The following PIP5K1C variants were observed in gnomAD, a reference collection of about 807,000 sequenced individuals.
The protein encoded by PIP5K1C is phosphatidylinositol 4-phosphate 5-kinase type-1 gamma.
PIP5K1C carries 45 observed loss-of-function variants against 80.1 expected under a neutral mutation model. The observed-to-expected ratio is 0.56, with a 90% CI of 0.44 to 0.72. PIP5K1C has a LOEUF of 0.72. Among genes scored for constraint, PIP5K1C ranks in the 30% least tolerant of loss-of-function variants. The pLI is 0.00. For missense variants in PIP5K1C, 753 were observed against 954.6 expected (o/e 0.79, Z 2.78); for synonymous variants, 498 against 420.1 (o/e 1.19, Z -2.27).
At chr19:3,662,687 T>G (rs2034873980) in intron 3 of PIP5K1C, among the ~76,000 whole-genome samples, 1 of 152,086 alleles carries the variant, frequency 6.6e-6, no homozygotes, top group Admixed American at 6.5e-5. Flanking sequence ...TGCCTCAGCT[T>G]CCTGAGTAGC....
chr19:3,670,190 G>A (rs2035160594), intron 1 of PIP5K1C, among the ~76,000 whole-genome samples: 1 of 152,136 alleles, frequency 6.6e-6, no homozygotes, highest in South Asian at 2.1e-4. Context: ...CTGCAGTCGT[G>A]GTCAGTCCCC....
Position 3,633,454 on chromosome 19 carries a change from C to A in PIP5K1C, c.1987G>T (p.Asp663Tyr). The change falls in exon 17 of 18, where the codon GAC becomes TAC. Residue 663 changes from aspartate to tyrosine, a missense_variant. Transcript: ENST00000335312. Reference sequence around the variant, plus strand: ...GCACTTACTGTGTCGCTCTCGCCGTCGGAGGCCGGGGGGGCCTGGGCGCTA... The same window carrying A: ...GCACTTACTGTGTCGCTCTCGCCGTAGGAGGCCGGGGGGGCCTGGGCGCTA... ...HYSAQAPPAS[D>Y]GESDT The A allele has an allele frequency of 6.7e-7, 1 of 1,499,140 alleles. No homozygotes were observed. The highest frequency in any genetic ancestry group is 8.9e-7 in the Non-Finnish European group (1 of 1,121,090). The allele number at this position is 1,499,140 out of a possible 1,614,324, so 92.9% of individuals were successfully genotyped here. A position where few individuals can be genotyped will look rare whatever the true frequency, so the allele number is the denominator to read the frequency against.
chr19:3,657,817 C>T (rs1034919490), intron 5 of PIP5K1C, among the ~76,000 whole-genome samples: 2 of 151,866 alleles, frequency 1.3e-5, no homozygotes, highest in African/African-American at 4.8e-5. Context: ...CATCTGTGGT[C>T]CCAGCTACTT....
chr19:3,667,208 T>G, intron 2 of PIP5K1C, 114 bp downstream of exon 2: 1 of 873,900 alleles, frequency 1.1e-6, no homozygotes, highest in Non-Finnish European at 1.9e-6. Context: ...TGGACGGCAT[T>G]TGGGGCCCAG....
At chr19:3,642,850 G>A (rs2145401733) in intron 14 of PIP5K1C, 57 bp downstream of exon 14, 2 of 1,436,064 alleles carry the variant, frequency 1.4e-6, no homozygotes, top group Admixed American at 1.7e-5. Flanking sequence ...AAACGGAGCT[G>A]GGAGCTGTGC....
chr19:3,694,496 G>A (rs10420356), intron 1 of PIP5K1C, among the ~76,000 whole-genome samples: 4 of 152,022 alleles, frequency 2.6e-5, no homozygotes, highest in Non-Finnish European at 5.9e-5. Context: ...CCCCTCGTCT[G>A]CCTCCAGGCA....
chr19:3,641,668 G>C (rs1213725785), intron 15 of PIP5K1C, 37 bp downstream of exon 15: 4 of 1,530,648 alleles, frequency 2.6e-6, no homozygotes, highest in Middle Eastern at 4.2e-4. Flanking sequence ...GCCCGCAGCA[G>C]GTGGGCGCCC....
chr19:3,642,621 C>A (rs1462889862), intron 14 of PIP5K1C, among the ~76,000 whole-genome samples: 1 of 152,012 alleles, frequency 6.6e-6, no homozygotes, highest in Non-Finnish European at 1.5e-5. Flanking sequence ...GGAGGGGGCG[C>A]ATTTCACGAT....
chr19:3,643,814 C>T (rs970437345), intron 12 of PIP5K1C, among the ~76,000 whole-genome samples: 3 of 152,054 alleles, frequency 2.0e-5, no homozygotes, highest in South Asian at 2.1e-4. Flanking sequence ...TGCATGCCTT[C>T]GATGGCATCC....
Position 3,643,271 on chromosome 19 carries a change from A to AG in PIP5K1C, c.1620dup (p.Ser541LeufsTer69). The AG allele has an allele frequency of 6.2e-7, 1 of 1,613,738 alleles. No homozygotes were observed. Among genetic ancestry groups the AG allele is most frequent in the Admixed American group, 1.7e-5 (1 of 60,014 alleles). Reference sequence around the variant, plus strand: ...TACCGCGGCTGCTCCGACGTCTCCGAGGGGGACCGCTCAGGAATGGAGAGG... The same window carrying AG: ...TACCGCGGCTGCTCCGACGTCTCCGAGGGGGGACCGCTCAGGAATGGAGAGG... On this transcript the variant is annotated frameshift_variant, in exon 13 of 18. Transcript: ENST00000335312. LOFTEE classifies it high-confidence loss of function.
At chr19:3,644,322 G>A (rs769507884) in intron 11 of PIP5K1C, 71 bp from the exon 12 acceptor site, 19 of 1,484,572 alleles carry the variant, frequency 1.3e-5, no homozygotes, top group South Asian at 4.6e-5. Context: ...CAGGGCCGCC[G>A]CCCACATATA....
intron 1 of PIP5K1C, among the ~76,000 whole-genome samples, chr19:3,686,918 T>G (rs756212982): frequency 6.6e-5 from 10 of 151,458 alleles, no homozygotes; most frequent in Non-Finnish European, 1.2e-4. Flanking sequence ...CAAGGCCAGG[T>G]GCAGTGGCTC....
Position 3,648,799 on chromosome 19 carries a change from T to C in PIP5K1C, c.1128-91A>G. 4 of 1,089,324 alleles carry C rather than the reference T, an allele frequency of 3.7e-6. No individual in the cohort carries two copies. The highest frequency in any genetic ancestry group is 2.5e-5 in the East Asian group (1 of 40,746). The allele number at this position is 1,089,324 out of a possible 1,614,324, so 67.5% of individuals were successfully genotyped here. A position where few individuals can be genotyped will look rare whatever the true frequency, so the allele number is the denominator to read the frequency against. ...GGGGACTCCAGGGCTAGGGAGTCCA[T>C]CTGCTCCTGTGGGTGGCAACTTGGC... On this transcript the variant is annotated intron_variant, in intron 8 of 17. Transcript: ENST00000335312. The surrounding 1 kb of genome is among the most constrained non-coding windows in gnomAD (Gnocchi z 4.3).
intron 6 of PIP5K1C, 108 bp from the exon 7 acceptor site, chr19:3,653,697 C>T: frequency 9.7e-7 from 1 of 1,026,098 alleles, no homozygotes; most frequent in Non-Finnish European, 1.4e-6. Context: ...CCTGGCCAGC[C>T]CCCCTCTCTC....
At chr19:3,697,090 TGGACCGAGGA>T (rs1327048544) in intron 1 of PIP5K1C, among the ~76,000 whole-genome samples, 1 of 134,264 alleles carries the variant, frequency 7.4e-6, no homozygotes, top group East Asian at 2.2e-4. Flanking sequence ...AGGACCGAGC[TGGACCGAGGA>T]GGACCAAGGA....
Position 3,637,866 on chromosome 19 carries a change from C to G in PIP5K1C, c.1920+1018G>C. 2.6e-6 allele frequency: 4 copies of G among 1,535,398 alleles called. No homozygotes were observed. The highest frequency in any genetic ancestry group is 3.5e-6 in the Non-Finnish European group (4 of 1,146,692). ...AGCACGACATGGCCCCCAGGCCCCC[C>G]GTACCATCCGGAGACCAGGACGCGC... On this transcript the variant is annotated intron_variant, in intron 16 of 17. Transcript: ENST00000335312. This position sits in a 1 kb window ranked among gnomAD's most constrained non-coding sequence, Gnocchi z 7.0.
At chr19:3,658,160 C>A (rs549686998) in intron 5 of PIP5K1C, among the ~76,000 whole-genome samples, 2 of 152,222 alleles carry the variant, frequency 1.3e-5, no homozygotes, top group African/African-American at 4.8e-5. Context: ...GCCCGAGGTG[C>A]TCTCGGGCCA....
rs377649668 is a variant in PIP5K1C at position 3,639,110 on chromosome 19, G to A, written c.1788-94C>T. 58 of 1,423,058 alleles carry A rather than the reference G, an allele frequency of 4.1e-5. No individual in the cohort carries two copies. The South Asian group carries it at 6.0e-4, about 15-fold the overall frequency. 88.2% of individuals were successfully genotyped at this position (1,423,058 alleles called of 1,614,324 possible). ...CAGGACCCAGGCAGGGGCTTCATACGGTCATCACGGAGATGAAAAGCCAGG... is the reference window on the plus strand; with the variant it reads ...CAGGACCCAGGCAGGGGCTTCATACAGTCATCACGGAGATGAAAAGCCAGG... On this transcript the variant is annotated intron_variant, in intron 15 of 17. Transcript: ENST00000335312.
intron 1 of PIP5K1C, among the ~76,000 whole-genome samples, chr19:3,695,782 G>A (rs1050569849): frequency 2.7e-5 from 4 of 148,430 alleles, no homozygotes; most frequent in Non-Finnish European, 5.9e-5. Context: ...GGCATGCAGT[G>A]GCACGATCAC....
Sources: allele counts gnomAD v4.1 joint callset (sites outside exome capture counted in the v4.1 genomes callset), GRCh38; gene constraint gnomAD v4.1.1; non-coding constraint Gnocchi (gnomAD v3.1); transcripts MANE v1.5; gene names NCBI Gene and HGNC (gene_info 2026-07-23, HGNC 2026-07-21).